The following PDCD6IP variants were observed in gnomAD, a reference collection of about 807,000 sequenced individuals.
The protein encoded by PDCD6IP is programmed cell death 6 interacting protein, also known as programmed cell death 6-interacting protein.
In PDCD6IP, 43 loss-of-function variants were observed where a neutral mutation model predicts 103.7. That is an observed-to-expected ratio of 0.41 (90% CI 0.32 to 0.53). PDCD6IP has a LOEUF of 0.53. Ranked by LOEUF, PDCD6IP falls within the 20% of genes least tolerant of loss-of-function variation. The pLI is 0.16. For synonymous variants in PDCD6IP, 354 were observed against 378.7 expected (o/e 0.93, Z 0.76); for missense variants, 871 against 1,036.7 (o/e 0.84, Z 2.20).
At position 33,865,713 on chromosome 3, in the gene PDCD6IP, T is replaced by G. The variant is rs562442926; in HGVS notation, c.2432+283T>G. ...GTTTAGTAGGTGTTTCCTTGGACTT[T>G]AGGTGATAAACAGGTACCTTTTCTG... On this transcript the variant is annotated intron_variant, in intron 17 of 17. Transcript: ENST00000307296. Among the ~76,000 whole-genome samples the G allele has an allele frequency of 4.6e-5, 7 of 152,368 alleles. No individual in the cohort carries two copies. The East Asian group carries it at 1.3e-3, about 29-fold the overall frequency.
chr3:33,804,220 C>G (rs36085376), intron 1 of PDCD6IP, among the ~76,000 whole-genome samples: 62,099 of 151,954 alleles, frequency 0.41, 15,097 homozygotes, highest in Non-Finnish European at 0.54. Flanking sequence ...GCTAGAGTCC[C>G]AGTTAGAGCA....
At chr3:33,833,421 T>G (rs1407805188) in intron 7 of PDCD6IP, among the ~76,000 whole-genome samples, 1 of 152,188 alleles carries the variant, frequency 6.6e-6, no homozygotes, top group Non-Finnish European at 1.5e-5. Context: ...TTCTTCACTT[T>G]TTCTTGTTCT....
intron 3 of PDCD6IP, among the ~76,000 whole-genome samples, chr3:33,817,581 T>C (rs1051113939): frequency 1.3e-5 from 2 of 152,016 alleles, no homozygotes; most frequent in African/African-American, 4.8e-5. Flanking sequence ...GACGAAACTC[T>C]GTCTCTACAA....
rs1465931976 is a variant in PDCD6IP at position 33,798,892 on chromosome 3, G to A, written c.164G>A (p.Gly55Asp). 2 of 1,547,408 alleles carry A rather than the reference G, an allele frequency of 1.3e-6. No homozygotes were observed. The highest frequency in any genetic ancestry group is 1.4e-5 in the African/African-American group (1 of 72,938). The change falls in exon 1 of 18, where the codon GGT becomes GAT. Residue 55 changes from glycine (G) to aspartate (D), a missense_variant. Gly to Asp is a moderately conservative substitution (Grantham distance 94). Coordinates refer to ENST00000307296, the MANE Select transcript of PDCD6IP (RefSeq NM_013374.6). ...AGCAAGCTGCGCCGCGCCGCAGTCG[G>A]TCGTCCGCTGGACAAGCACGAGGGC... ...ELSKLRRAAV[G>D]RPLDKHEGAL... is the part of the protein sequence containing the mutation.
chr3:33,820,090 C>T (rs1203157110), intron 3 of PDCD6IP, among the ~76,000 whole-genome samples: 1 of 152,088 alleles, frequency 6.6e-6, no homozygotes, highest in Non-Finnish European at 1.5e-5. Context: ...TCAAGACCAG[C>T]CTAGGCAACA....
Position 33,852,733 on chromosome 3 carries a change from T to C in PDCD6IP, c.1887T>C (p.Ile629=). The change falls in exon 13 of 18, where the codon ATT becomes ATC. Residue 629 remains isoleucine (I), a synonymous_variant. Coordinates refer to ENST00000307296, the MANE Select transcript of PDCD6IP (RefSeq NM_013374.6). The part of the protein sequence containing the change: ...LKKQEGLLKN[I]QVSHQEFSKM... ...AACAGGAGGGACTTCTTAAAAATAT[T>C]CAGGTGAAATTTATATATTTAATAA... 1 of 1,582,784 alleles carries C rather than the reference T, an allele frequency of 6.3e-7. No individual in the cohort carries two copies. The highest frequency in any genetic ancestry group is 1.9e-5 in the Admixed American group (1 of 51,370).
chr3:33,824,438 A>G (rs1697065552), intron 4 of PDCD6IP, among the ~76,000 whole-genome samples: 1 of 151,904 alleles, frequency 6.6e-6, no homozygotes, highest in Non-Finnish European at 1.5e-5. Flanking sequence ...TTGTATTTTT[A>G]GTAGAGACGG....
chr3:33,818,217 C>T (rs186821633), intron 3 of PDCD6IP, among the ~76,000 whole-genome samples: 23 of 145,866 alleles, frequency 1.6e-4, no homozygotes, highest in African/African-American at 5.1e-4. Context: ...AAGTGATTCT[C>T]GTGCCACAGC....
intron 14 of PDCD6IP, 140 bp from the exon 15 acceptor site, chr3:33,855,026 A>G: frequency 2.0e-6 from 1 of 494,274 alleles, no homozygotes; most frequent in Non-Finnish European, 3.7e-6. Flanking sequence ...TGTTGGGCCT[A>G]GTAAATTGTA....
intron 1 of PDCD6IP, among the ~76,000 whole-genome samples, chr3:33,809,368 G>A (rs573624466): frequency 6.6e-6 from 1 of 152,254 alleles, no homozygotes; most frequent in African/African-American, 2.4e-5. Context: ...GAGAAATGGT[G>A]GTAAAAAGAG....
intron 1 of PDCD6IP, among the ~76,000 whole-genome samples, chr3:33,806,211 T>A (rs1490292015): frequency 6.6e-6 from 1 of 151,718 alleles, no homozygotes; most frequent in Non-Finnish European, 1.5e-5. Context: ...CATATATAAG[T>A]ACTTCTCCAT....
Position 33,803,989 on chromosome 3 carries a change from C to T in PDCD6IP, c.209+5052C>T, listed in dbSNP as rs571429416. On this transcript the variant is annotated intron_variant, in intron 1 of 17. Transcript: ENST00000307296. ...CTTTTAATTTCTGAAATATTTTCTA[C>T]ATGGTAGTGTTTTATAGATCAGTAA... Among the ~76,000 whole-genome samples, 6 of 152,138 alleles carry T rather than the reference C, an allele frequency of 3.9e-5. No homozygotes were observed. The East Asian group carries it at 1.2e-3, about 29-fold the overall frequency.
At chr3:33,852,335 A>G (rs1697732107) in intron 12 of PDCD6IP, among the ~76,000 whole-genome samples, 153 bp from the exon 13 acceptor site, 1 of 151,706 alleles carries the variant, frequency 6.6e-6, no homozygotes, top group Non-Finnish European at 1.5e-5. Context: ...TACAGTGTCT[A>G]TCTATATAAA....
At chr3:33,800,866 C>A (rs1297093779) in intron 1 of PDCD6IP, among the ~76,000 whole-genome samples, 1 of 152,130 alleles carries the variant, frequency 6.6e-6, no homozygotes, top group Non-Finnish European at 1.5e-5. Context: ...AGCTAACAGA[C>A]ATGGGAGGTT....
intron 3 of PDCD6IP, among the ~76,000 whole-genome samples, chr3:33,817,489 C>T (rs1461882626): frequency 2.6e-5 from 4 of 152,050 alleles, no homozygotes; most frequent in Admixed American, 6.6e-5. Flanking sequence ...AGTGGTGGCT[C>T]GTGCCTGTAA....
At chr3:33,813,385 C>A in intron 2 of PDCD6IP, 174 bp from the exon 3 acceptor site, 1 of 489,682 alleles carries the variant, frequency 2.0e-6, no homozygotes, top group South Asian at 3.5e-5. Context: ...CAGTATTTTA[C>A]TTTTTTTAGA....
intron 3 of PDCD6IP, among the ~76,000 whole-genome samples, chr3:33,816,503 T>TAA (rs57317946): frequency 0.01 from 591 of 57,536 alleles, 15 homozygotes; most frequent in African/African-American, 0.028. Flanking sequence ...AGATTCTGTC[T>TAA]AAAAAAAAAA....
intron 7 of PDCD6IP, 60 bp from the exon 8 acceptor site, chr3:33,835,984 A>C: frequency 1.1e-6 from 1 of 951,938 alleles, no homozygotes; most frequent in Non-Finnish European, 1.6e-6. Context: ...CTTGGTGGGG[A>C]AAGAGAAATA....
intron 3 of PDCD6IP, among the ~76,000 whole-genome samples, chr3:33,816,556 T>A (rs1696858916): frequency 1.4e-5 from 2 of 145,892 alleles, no homozygotes; most frequent in Non-Finnish European, 3.0e-5. Context: ...ATTCTGATGA[T>A]CATCCCAGGT....
Sources: allele counts gnomAD v4.1 joint callset (sites outside exome capture counted in the v4.1 genomes callset), GRCh38; gene constraint gnomAD v4.1.1; transcripts MANE v1.5; gene names NCBI Gene and HGNC (gene_info 2026-07-23, HGNC 2026-07-21).